OPRM1: variants seen among roughly 807,000 people sequenced by gnomAD.
The protein encoded by OPRM1 is opioid receptor mu 1.
OPRM1 carries 27 observed loss-of-function variants against 31.8 expected under a neutral mutation model. That is an observed-to-expected ratio of 0.85 (90% CI 0.63 to 1.17). OPRM1 has a LOEUF of 1.17. Ranked by LOEUF, OPRM1 falls within the 50% of genes most tolerant of loss-of-function variation. The probability of loss-of-function intolerance (pLI) is 0.00; values close to 1 mark genes in which losing one functional copy is unlikely to be tolerated. For missense variants in OPRM1, 536 were observed against 511.1 expected (o/e 1.05, Z -0.47); for synonymous variants, 196 against 189.9 (o/e 1.03, Z -0.26).
At chr6:154,240,241 A>G (rs1780473110) in intron 3 of OPRM1, among the ~76,000 whole-genome samples, 2 of 152,268 alleles carry the variant, frequency 1.3e-5, no homozygotes, top group Admixed American at 6.5e-5. Context: ...ATACTGGTAC[A>G]TGCTCTGTAC....
At chr6:154,074,964 C>A (rs1176548023) in intron 1 of OPRM1, among the ~76,000 whole-genome samples, 6 of 151,960 alleles carry the variant, frequency 3.9e-5, no homozygotes, top group African/African-American at 1.5e-4. Context: ...CATCCTATAA[C>A]TAAAGAAAGG....
chr6:154,095,245 C>CCTCT (rs2128492617), intron 3 of OPRM1, among the ~76,000 whole-genome samples: 1 of 152,270 alleles, frequency 6.6e-6, no homozygotes, highest in African/African-American at 2.4e-5. Flanking sequence ...GAGCCCAGGT[C>CCTCT]GTGCCATTGC....
At chr6:154,158,683 G>C (rs1270404773) in intron 3 of OPRM1, 2 of 151,970 alleles carry the variant, frequency 1.3e-5, no homozygotes, top group African/African-American at 4.8e-5. Context: ...TAACACCAGT[G>C]AATCAATAGT....
Position 154,087,139 on chromosome 6 carries a change from C to A in OPRM1, c.291-2687C>A, listed in dbSNP as rs570323331. On this transcript the variant is annotated intron_variant, in intron 1 of 3. Coordinates refer to ENST00000330432, the MANE Select transcript of OPRM1 (RefSeq NM_000914.5). Reference sequence around the variant, plus strand: ...CTCCCAAAGTAAGTCCAAAAAAAAGCCCCCAAGTCTGAAAATGTGGAGCTT... The same window carrying A: ...CTCCCAAAGTAAGTCCAAAAAAAAGACCCCAAGTCTGAAAATGTGGAGCTT... 2.8e-4 allele frequency: 279 copies of A among 985,342 alleles called. 3 individuals carry two copies. In the South Asian group the frequency reaches 0.012, roughly 41 times the overall value. The allele number at this position is 985,342 out of a possible 1,614,324, so 61.0% of individuals were successfully genotyped here.
chr6:154,061,112 T>C (rs560811395), intron 1 of OPRM1, among the ~76,000 whole-genome samples: 2 of 152,306 alleles, frequency 1.3e-5, no homozygotes, highest in Admixed American at 6.5e-5. Flanking sequence ...TGATTTATAT[T>C]AGTTTCTGGA....
chr6:154,215,919 A>T (rs1183174888), intron 3 of OPRM1, among the ~76,000 whole-genome samples: 1 of 152,242 alleles, frequency 6.6e-6, no homozygotes, highest in Non-Finnish European at 1.5e-5. Flanking sequence ...ACTCAAACAC[A>T]GGAAAATATT....
At chr6:154,056,029 TAAAG>T (rs1319107918) in intron 1 of OPRM1, among the ~76,000 whole-genome samples, 1 of 152,250 alleles carries the variant, frequency 6.6e-6, no homozygotes, top group Non-Finnish European at 1.5e-5. Flanking sequence ...TTCATCCCTA[TAAAG>T]AGTCATCCTG....
chr6:154,066,956 A>G (rs1785545244), intron 1 of OPRM1, among the ~76,000 whole-genome samples: 1 of 152,168 alleles, frequency 6.6e-6, no homozygotes, highest in South Asian at 2.1e-4. Flanking sequence ...ATTTGTTGGC[A>G]TATAATTTGT....
At chr6:154,182,820 GA>G (rs745838360) in intron 3 of OPRM1, among the ~76,000 whole-genome samples, 4 of 152,064 alleles carry the variant, frequency 2.6e-5, no homozygotes, top group Non-Finnish European at 5.9e-5. Context: ...GGGGACAAGT[GA>G]ATACAAAAGG....
intron 1 of OPRM1, chr6:154,011,038 T>C (rs780665737): frequency 1.4e-4 from 182 of 1,289,518 alleles, no homozygotes; most frequent in Non-Finnish European, 1.8e-4. Flanking sequence ...AGCTCATTTA[T>C]TTTGTTGAAG....
chr6:154,053,123 T>G (rs1048383715), intron 1 of OPRM1, among the ~76,000 whole-genome samples: 1 of 152,230 alleles, frequency 6.6e-6, no homozygotes, highest in South Asian at 2.1e-4. Context: ...AGTAAGTGCT[T>G]AGAAAATAGC....
chr6:154,154,172 A>G (rs1321626674), intron 3 of OPRM1, among the ~76,000 whole-genome samples: 1 of 152,224 alleles, frequency 6.6e-6, no homozygotes, highest in Non-Finnish European at 1.5e-5. Flanking sequence ...GAATCAGTTC[A>G]AATGCAGGCT....
chr6:154,026,768 T>C (rs937751616), intron 1 of OPRM1, among the ~76,000 whole-genome samples: 4 of 152,226 alleles, frequency 2.6e-5, no homozygotes, highest in Non-Finnish European at 4.4e-5. Flanking sequence ...GTCAGTTGCA[T>C]TTTTCATCTC....
chr6:154,162,629 G>C (rs1799115778), intron 3 of OPRM1, among the ~76,000 whole-genome samples: 2 of 152,120 alleles, frequency 1.3e-5, no homozygotes, highest in Non-Finnish European at 2.9e-5. Flanking sequence ...CTTAGTTGCT[G>C]ATTCCTCCTT....
chr6:154,232,429 C>A (rs1779795741), intron 3 of OPRM1, among the ~76,000 whole-genome samples: 1 of 152,158 alleles, frequency 6.6e-6, no homozygotes, highest in Admixed American at 6.5e-5. Flanking sequence ...ACTATGATCA[C>A]AGCCTTAAGA....
chr6:154,044,153 C>T (rs1780635737), intron 1 of OPRM1, among the ~76,000 whole-genome samples: 1 of 151,932 alleles, frequency 6.6e-6, no homozygotes, highest in Non-Finnish European at 1.5e-5. Flanking sequence ...CAGACTGAAA[C>T]AGTTGAAGTC....
At chr6:154,236,063 C>A (rs1780105898) in intron 3 of OPRM1, among the ~76,000 whole-genome samples, 1 of 152,158 alleles carries the variant, frequency 6.6e-6, no homozygotes. Context: ...AGGTATAAAA[C>A]CAAGGGAATT....
downstream of OPRM1, among the ~76,000 whole-genome samples, chr6:154,135,927 T>C (rs1798049634): frequency 6.6e-6 from 1 of 152,222 alleles, no homozygotes. Context: ...ATATTTAATG[T>C]CCCTAAAGAA....
At chr6:154,159,639 C>A in intron 3 of OPRM1, 3 of 596,410 alleles carry the variant, frequency 5.0e-6, no homozygotes, top group Admixed American at 3.4e-5. Flanking sequence ...TCAATGGATG[C>A]GTTACGACTG....
Sources: gnomAD v4.1 joint callset for allele counts (sites outside exome capture counted in the v4.1 genomes callset) on GRCh38, gnomAD v4.1.1 for gene constraint, MANE v1.5 for transcripts, NCBI Gene and HGNC (gene_info 2026-07-23, HGNC 2026-07-21) for gene names.